SLC16A1: variants seen among roughly 807,000 people sequenced by gnomAD.
The protein encoded by SLC16A1 is solute carrier family 16 member 1, also known as monocarboxylate transporter 1.
A neutral mutation model predicts 32.2 loss-of-function variants in SLC16A1; 11 were observed. That is an observed-to-expected ratio of 0.34 (90% CI 0.21 to 0.56). SLC16A1 has a LOEUF of 0.56. Among genes scored for constraint, SLC16A1 ranks in the 20% least tolerant of loss-of-function variants. The pLI, the probability that SLC16A1 is intolerant of heterozygous loss-of-function variation, is 0.87. For missense variants in SLC16A1, 435 were observed against 615.0 expected, an observed-to-expected ratio of 0.71 and a Z score of 3.10; for synonymous variants, 231 against 226.8, an observed-to-expected ratio of 1.02 and a Z score of -0.17.
intron 1 of SLC16A1, among the ~76,000 whole-genome samples, chr1:112,952,014 T>C (rs768432663): frequency 9.2e-5 from 14 of 152,170 alleles, no homozygotes; most frequent in African/African-American, 1.2e-4. Flanking sequence ...ACCAAATATA[T>C]GCCTCCTGAA....
rs1648337924 is a variant in SLC16A1 at position 112,912,025 on chromosome 1, A to G, written c.*1866T>C. ...TGAGGCCAAGCCTGCCAATACTCTC[A>G]GCAGCAGTTTTCTCCTCTAACACTC... On this transcript the variant is annotated 3_prime_UTR_variant, in exon 5 of 5. Coordinates refer to ENST00000369626, the MANE Select transcript of SLC16A1 (RefSeq NM_003051.4). 1 of 152,262 alleles carries G rather than the reference A, an allele frequency of 6.6e-6. No homozygotes were observed. The highest frequency in any genetic ancestry group is 2.4e-5 in the African/African-American group (1 of 41,460). 9.4% of individuals were successfully genotyped at this position (152,262 alleles called of 1,614,324 possible).
intron 1 of SLC16A1, among the ~76,000 whole-genome samples, chr1:112,944,535 T>C (rs1470980763): frequency 2.0e-5 from 3 of 152,232 alleles, no homozygotes; most frequent in African/African-American, 4.8e-5. Flanking sequence ...TATGTGTGAA[T>C]AGAAAATAAA....
intron 3 of SLC16A1, 22 bp from the exon 4 acceptor site, chr1:112,918,066 A>AAATT (rs1648581477): frequency 1.1e-6 from 1 of 914,848 alleles, no homozygotes; most frequent in Non-Finnish European, 1.4e-6. Context: ...ATAAATAAAT[A>AAATT]AATAAATAAA....
chr1:112,914,220 T>TC lies in SLC16A1; in HGVS notation c.1229-56dup, dbSNP rs1329729688. 109 of 1,595,364 alleles carry TC rather than the reference T, an allele frequency of 6.8e-5. No homozygotes were observed. The African/African-American group carries it at 1.2e-3, about 17-fold the overall frequency. Reference sequence around the variant, plus strand: ...TTTCTAAGAGTAAACAGTTTTTTTTTCCCCCAAGCAAAGCTTAAGGATCCA... The same window carrying TC: ...TTTCTAAGAGTAAACAGTTTTTTTTTCCCCCCAAGCAAAGCTTAAGGATCCA... On this transcript the variant is annotated intron_variant, in intron 4 of 4. Coordinates refer to ENST00000369626, the MANE Select transcript of SLC16A1 (RefSeq NM_003051.4).
chr1:112,939,137 C>T (rs530659387), intron 1 of SLC16A1, among the ~76,000 whole-genome samples: 4 of 151,952 alleles, frequency 2.6e-5, no homozygotes, highest in South Asian at 2.1e-4. Flanking sequence ...GTGATCCACC[C>T]GCCTCAGCCT....
intron 2 of SLC16A1, among the ~76,000 whole-genome samples, chr1:112,927,969 T>C (rs948615194): frequency 6.6e-6 from 1 of 152,154 alleles, no homozygotes; most frequent in African/African-American, 2.4e-5. Context: ...CCTGGCAGAA[T>C]GGAGTTCAAA....
At position 112,917,376 on chromosome 1, in the gene SLC16A1, G is replaced by A; in HGVS notation, c.1030C>T (p.His344Tyr). Reference sequence around the variant, plus strand: ...GTAGTGGATAAAGGTGCTAGCATATGACACACTCCATTTGCAACAACGGAA... The same window carrying A: ...GTAGTGGATAAAGGTGCTAGCATATAACACACTCCATTTGCAACAACGGAA... ...AASVVANGVC[H>Y]MLAPLSTTYV... Residue 344 changes from histidine to tyrosine, a missense_variant, in exon 4 of 5, where the codon CAT (histidine) becomes TAT (tyrosine). Coordinates refer to ENST00000369626, the MANE Select transcript of SLC16A1 (RefSeq NM_003051.4). The surrounding 1 kb of genome is among the most constrained non-coding windows in gnomAD (Gnocchi z 4.1). 4 of 1,614,200 alleles carry A rather than the reference G, an allele frequency of 2.5e-6. No homozygotes were observed. Among genetic ancestry groups the A allele is most frequent in the Non-Finnish European group, 3.4e-6 (4 of 1,180,050 alleles).
chr1:112,919,186 A>G (rs1051242262), intron 3 of SLC16A1, among the ~76,000 whole-genome samples: 10 of 150,864 alleles, frequency 6.6e-5, no homozygotes, highest in African/African-American at 1.7e-4. Context: ...GCCCGCCACC[A>G]TGCCCGGCTC....
At chr1:112,934,792 T>C (rs1332083854) in intron 1 of SLC16A1, among the ~76,000 whole-genome samples, 4 of 152,222 alleles carry the variant, frequency 2.6e-5, no homozygotes, top group Non-Finnish European at 5.9e-5. Context: ...CAGGGAATTA[T>C]CTGTAGAATA....
chr1:112,948,279 G>C (rs1271559280), intron 1 of SLC16A1, among the ~76,000 whole-genome samples: 2 of 151,986 alleles, frequency 1.3e-5, no homozygotes, highest in East Asian at 1.9e-4. Context: ...AGAGAAACCA[G>C]GGTATACTAT....
chr1:112,953,383 G>T (rs1017127312), intron 1 of SLC16A1, among the ~76,000 whole-genome samples: 2 of 152,022 alleles, frequency 1.3e-5, no homozygotes, highest in Non-Finnish European at 2.9e-5. Flanking sequence ...GGCTGGTCTT[G>T]AACTCCTGAC....
chr1:112,924,261 GGGCCCCT>G (rs1648853330), intron 2 of SLC16A1: 1 of 1,492,808 alleles, frequency 6.7e-7, no homozygotes. Flanking sequence ...GGCAGAGGAA[GGGCCCCT>G]GGAGCCAGAT....
intron 4 of SLC16A1, among the ~76,000 whole-genome samples, chr1:112,914,801 C>T (rs1170434199): frequency 6.6e-6 from 1 of 152,178 alleles, no homozygotes; most frequent in East Asian, 1.9e-4. Context: ...CACCCTTAAG[C>T]ATGTGCTACA....
At chr1:112,945,917 A>T (rs1314588245) in intron 1 of SLC16A1, among the ~76,000 whole-genome samples, 1 of 151,834 alleles carries the variant, frequency 6.6e-6, no homozygotes, top group East Asian at 1.9e-4. Context: ...ACGTGAACCC[A>T]GAGGCGGAGA....
At chr1:112,930,479 T>C (rs1206003964) in intron 1 of SLC16A1, among the ~76,000 whole-genome samples, 2 of 152,192 alleles carry the variant, frequency 1.3e-5, no homozygotes, top group African/African-American at 4.8e-5. Flanking sequence ...ACTTATCCAA[T>C]AGACATTATC....
intron 1 of SLC16A1, among the ~76,000 whole-genome samples, chr1:112,945,259 T>C (rs953843975): frequency 5.9e-5 from 9 of 151,780 alleles, no homozygotes; most frequent in Admixed American, 2.6e-4. Context: ...CATCACAAAG[T>C]GCTGGGCTTA....
rs1244292203 is a variant in SLC16A1 at position 112,929,435 on chromosome 1, C to T, written c.-44-83G>A. On this transcript the variant is annotated intron_variant, in intron 1 of 4. Coordinates refer to ENST00000369626, the MANE Select transcript of SLC16A1 (RefSeq NM_003051.4). ...TTGTGAAATAAGAAATATAGCCAAT[C>T]GTGGTGGATCATGCCTATTAGTAAT... The T allele has an allele frequency of 7.6e-6, 6 of 792,868 alleles. No homozygotes were observed. The East Asian group carries it at 1.1e-4, about 14-fold the overall frequency. The allele number at this position is 792,868 out of a possible 1,614,324, so 49.1% of individuals were successfully genotyped here. A position where few individuals can be genotyped will look rare whatever the true frequency, so the allele number is the denominator to read the frequency against.
At chr1:112,915,753 T>G (rs1174928379) in intron 4 of SLC16A1, among the ~76,000 whole-genome samples, 6 of 120,628 alleles carry the variant, frequency 5.0e-5, no homozygotes, top group Non-Finnish European at 9.9e-5. Flanking sequence ...TAGAACTTAG[T>G]AACTCACTGG....
intron 3 of SLC16A1, among the ~76,000 whole-genome samples, chr1:112,921,224 A>T (rs981330092): frequency 7.9e-5 from 12 of 152,014 alleles, no homozygotes; most frequent in South Asian, 2.1e-4. Context: ...TTATTTTTTT[A>T]AAAAAGGCAA....
Sources: allele counts gnomAD v4.1 joint callset (sites outside exome capture counted in the v4.1 genomes callset), GRCh38; gene constraint gnomAD v4.1.1; non-coding constraint Gnocchi (gnomAD v3.1); transcripts MANE v1.5; gene names NCBI Gene and HGNC (gene_info 2026-07-23, HGNC 2026-07-21).